Variants in FAM149B1 observed in about 807,000 individuals in gnomAD.
FAM149B1 encodes primary cilium assembly protein FAM149B1.
A neutral mutation model predicts 75.3 loss-of-function variants in FAM149B1; 56 were observed. The observed-to-expected ratio is 0.74, with a 90% CI of 0.60 to 0.93. The LOEUF (loss-of-function observed/expected upper bound fraction) is 0.93. Ranked by LOEUF, FAM149B1 falls within the 40% of genes least tolerant of loss-of-function variation. The pLI, the probability that FAM149B1 is intolerant of heterozygous loss-of-function variation, is 0.00. For missense variants in FAM149B1, 639 were observed against 708.4 expected, an observed-to-expected ratio of 0.90 and a Z score of 1.11; for synonymous variants, 259 against 256.1, an observed-to-expected ratio of 1.01 and a Z score of -0.11.
At position 73,199,196 on chromosome 10, in the gene FAM149B1, T is replaced by TG. The variant is rs1316833541; in HGVS notation, c.542+5603_542+5604insG. Among the ~76,000 whole-genome samples the TG allele has an allele frequency of 5.9e-4, 72 of 121,264 alleles. 1 individual carries two copies. The highest frequency in any genetic ancestry group is 1.1e-3 in the East Asian group (5 of 4,552). 79.6% of individuals were successfully genotyped at this position (121,264 alleles called of 152,430 possible). A position where few individuals can be genotyped will look rare whatever the true frequency, so the allele number is the denominator to read the frequency against. ...ATTAGGTAAGATAACTGTTATCCTT[T>TG]TTTGTTGTTGTTGTTGTTGTTGTTG... On this transcript the variant is annotated intron_variant, in intron 5 of 13. Coordinates refer to ENST00000242505, the MANE Select transcript of FAM149B1 (RefSeq NM_173348.2).
chr10:73,237,059 G>C (rs886203857), intron 12 of FAM149B1, among the ~76,000 whole-genome samples: 1 of 151,988 alleles, frequency 6.6e-6, no homozygotes, highest in African/African-American at 2.4e-5. Context: ...CTGTGTCCAG[G>C]GTTCCCTCTT....
intron 3 of FAM149B1, among the ~76,000 whole-genome samples, chr10:73,181,694 G>T (rs1012001389): frequency 6.6e-6 from 1 of 152,196 alleles, no homozygotes; most frequent in Non-Finnish European, 1.5e-5. Context: ...TGATCAATGT[G>T]CTGAGGAAAA....
chr10:73,204,943 A>C (rs1589162014), intron 5 of FAM149B1, among the ~76,000 whole-genome samples: 1 of 57,672 alleles, frequency 1.7e-5, no homozygotes, highest in African/African-American at 5.6e-5. Flanking sequence ...ATGCCTGGCT[A>C]ATTTTTTTTT....
intron 3 of FAM149B1, among the ~76,000 whole-genome samples, chr10:73,181,026 A>G (rs960209044): frequency 2.3e-5 from 3 of 131,616 alleles, no homozygotes; most frequent in African/African-American, 8.8e-5. Flanking sequence ...TTTTTTTTTG[A>G]GACGGAGTGT....
chr10:73,195,528 G>A (rs1045176090), intron 5 of FAM149B1, among the ~76,000 whole-genome samples: 7 of 151,858 alleles, frequency 4.6e-5, no homozygotes, highest in South Asian at 2.1e-4. Flanking sequence ...AGGATATATC[G>A]ACCTAATCTG....
chr10:73,211,688 G>C (rs1057279731), intron 7 of FAM149B1, among the ~76,000 whole-genome samples: 2 of 152,190 alleles, frequency 1.3e-5, no homozygotes, highest in African/African-American at 4.8e-5. Context: ...GATTTATGAA[G>C]AAAAATCATG....
In FAM149B1 at chr10:73,230,491, C is replaced by G; in HGVS notation, c.1093C>G (p.Gln365Glu). 7 of 1,546,856 alleles carry G rather than the reference C, an allele frequency of 4.5e-6. No homozygotes were observed. Among genetic ancestry groups the G allele is most frequent in the Non-Finnish European group, 5.3e-6 (6 of 1,142,532 alleles). Residue 365 changes from glutamine (Q) to glutamate (E), a missense_variant, in exon 9 of 14, where the codon CAG becomes GAG. Gln to Glu is a conservative substitution (Grantham distance 29). Coordinates refer to ENST00000242505, the MANE Select transcript of FAM149B1 (RefSeq NM_173348.2). ...TCTCTTGGTTCATGGAATGCCTCTA[C>G]AGCCAAGAAATCTCTCCCTAATGGA... The part of the protein sequence containing the change: ...NDLLVHGMPL[Q>E]PRNLSLMDKL...
intron 10 of FAM149B1, chr10:73,233,965 T>C (rs1156919823): frequency 3.9e-5 from 6 of 152,216 alleles, no homozygotes; most frequent in African/African-American, 1.2e-4. Context: ...TCCTAGGAAG[T>C]GACACTAAAA....
intron 7 of FAM149B1, among the ~76,000 whole-genome samples, chr10:73,221,006 A>C (rs775568360): frequency 5.3e-5 from 8 of 152,238 alleles, no homozygotes; most frequent in Non-Finnish European, 1.2e-4. Context: ...AATATGCTAA[A>C]TGAAAGAAGC....
intron 3 of FAM149B1, among the ~76,000 whole-genome samples, chr10:73,187,670 T>C (rs1196958301): frequency 6.7e-6 from 1 of 148,772 alleles, no homozygotes; most frequent in Admixed American, 6.7e-5. Flanking sequence ...TGGAGGTTGC[T>C]GTGAGCCGAG....
At chr10:73,236,835 C>T (rs939376396) in intron 12 of FAM149B1, among the ~76,000 whole-genome samples, 2 of 151,944 alleles carry the variant, frequency 1.3e-5, no homozygotes, top group African/African-American at 4.8e-5. Flanking sequence ...CTCACCTCAG[C>T]CTCCTGAGTA....
chr10:73,228,437 T>C (rs2043607294), intron 8 of FAM149B1, among the ~76,000 whole-genome samples: 1 of 152,160 alleles, frequency 6.6e-6, no homozygotes, highest in African/African-American at 2.4e-5. Context: ...GAATCAACCA[T>C]GTGGTCAGCC....
chr10:73,169,740 C>T (rs1843626991), intron 1 of FAM149B1, among the ~76,000 whole-genome samples: 1 of 152,118 alleles, frequency 6.6e-6, no homozygotes, highest in African/African-American at 2.4e-5. Context: ...TTGGCGTGAG[C>T]CACCATGCCC....
rs1390253718 is a variant in FAM149B1, at chr10:73,192,655, C to T, written c.382C>T (p.Gln128Ter). 20 of 1,550,848 alleles carry T rather than the reference C, an allele frequency of 1.3e-5. No individual in the cohort carries two copies. Among genetic ancestry groups the T allele is most frequent in the Admixed American group, 2.0e-5 (1 of 50,578 alleles). Residue 128 changes from glutamine to a stop codon, truncating the protein, a stop_gained, in exon 4 of 14, where the codon CAA (glutamine) becomes TAA (stop). Coordinates refer to ENST00000242505, the MANE Select transcript of FAM149B1 (RefSeq NM_173348.2). LOFTEE classifies it high-confidence loss of function. ...QKLSVHTKSL[Q>*]EECQQWTASF... ...GTTGAGTGTGCATACCAAGAGTCTA[C>T]AAGAAGAGTGCCAACAGTGGACAGC...
chr10:73,194,553 C>T lies in FAM149B1; in HGVS notation c.542+960C>T, dbSNP rs1007994613. 2.1e-4 allele frequency among the ~76,000 whole-genome samples: 32 copies of T among 151,966 alleles called. No homozygotes were observed. The East Asian group carries it at 2.1e-3, about 10-fold the overall frequency. On this transcript the variant is annotated intron_variant, in intron 5 of 13. Transcript: ENST00000242505. ...GACTGCAGGTGTGTGCCACCATGCC[C>T]GGGATTTCACCATACTGGCCAGGCT...
chr10:73,194,941 T>C (rs571373873), intron 5 of FAM149B1, among the ~76,000 whole-genome samples: 39 of 151,804 alleles, frequency 2.6e-4, no homozygotes, highest in Admixed American at 1.4e-3. Flanking sequence ...GCCTCGGCCT[T>C]CCAAAGTGCT....
At chr10:73,178,478 C>T (rs950766574) in intron 3 of FAM149B1, among the ~76,000 whole-genome samples, 4 of 145,810 alleles carry the variant, frequency 2.7e-5, no homozygotes, top group Non-Finnish European at 4.4e-5. Context: ...GCAACAAGAA[C>T]GAAACTGTCT....
intron 5 of FAM149B1, among the ~76,000 whole-genome samples, chr10:73,197,421 G>A (rs149781958): frequency 6.6e-6 from 1 of 151,308 alleles, no homozygotes; most frequent in Non-Finnish European, 1.5e-5. Flanking sequence ...TTAGTGTCTA[G>A]GTCAAAATGA....
At position 73,243,669 on chromosome 10, in the gene FAM149B1, A is replaced by C. The variant is rs975767541; in HGVS notation, c.*2650A>C. The C allele has an allele frequency of 8.4e-7, 1 of 1,197,112 alleles. No individual in the cohort carries two copies. Among genetic ancestry groups the C allele is most frequent in the African/African-American group, 1.5e-5 (1 of 64,862 alleles). 74.2% of individuals were successfully genotyped at this position (1,197,112 alleles called of 1,614,324 possible). ...AAAATGTCCTACAATTGGTGTTAAT[A>C]ATTGTAAAACTTTGTAAATACACTT... On this transcript the variant is annotated 3_prime_UTR_variant, in exon 14 of 14. Transcript: ENST00000242505.
Sources: gnomAD v4.1 joint callset for allele counts (sites outside exome capture counted in the v4.1 genomes callset) on GRCh38, gnomAD v4.1.1 for gene constraint, MANE v1.5 for transcripts, NCBI Gene and HGNC (gene_info 2026-07-23, HGNC 2026-07-21) for gene names.